Variants in RXFP1 observed in about 807,000 individuals in gnomAD.
The protein encoded by RXFP1 is relaxin family peptide receptor 1, also known as relaxin receptor 1.
In RXFP1, 73 loss-of-function variants were observed where a neutral mutation model predicts 89.8. The observed-to-expected ratio is 0.81, with a 90% CI of 0.67 to 0.99. RXFP1 has a LOEUF of 0.99. RXFP1 is among the 50% of genes least tolerant of loss of function. The pLI is 0.00. For missense variants in RXFP1, 793 were observed against 895.5 expected (o/e 0.89, Z 1.46); for synonymous variants, 277 against 305.5 (o/e 0.91, Z 0.97).
At chr4:158,557,495 G>T (rs1023217699) in intron 1 of RXFP1, among the ~76,000 whole-genome samples, 5 of 152,100 alleles carry the variant, frequency 3.3e-5, no homozygotes, top group Non-Finnish European at 7.4e-5. Context: ...AAGTATGAGT[G>T]TATTTGTTTG....
chr4:158,525,228 G>GA (rs397779598), intron 1 of RXFP1, among the ~76,000 whole-genome samples: 5 of 150,462 alleles, frequency 3.3e-5, no homozygotes. Flanking sequence ...GCGGGGGGGG[G>GA]TTGGGTTTTT....
intron 6 of RXFP1, among the ~76,000 whole-genome samples, chr4:158,608,472 A>G (rs1219113042): frequency 6.6e-6 from 1 of 151,570 alleles, no homozygotes; most frequent in East Asian, 1.9e-4. Flanking sequence ...CAAAGAAAAA[A>G]AAAAAGCCTG....
chr4:158,605,225 C>A lies in RXFP1; in HGVS notation c.464+86C>A, dbSNP rs143934930. 2.1e-4 allele frequency: 139 copies of A among 676,608 alleles called. No individual in the cohort carries two copies. In the African/African-American group the frequency reaches 2.2e-3, roughly 11 times the overall value. The allele number at this position is 676,608 out of a possible 1,614,324, so 41.9% of individuals were successfully genotyped here. ...CTTCCTACTTCTGTGAACACCAACACTATTCCGCTGCTTGTGTCTAATCCC... is the reference window on the plus strand; with the variant it reads ...CTTCCTACTTCTGTGAACACCAACAATATTCCGCTGCTTGTGTCTAATCCC... On this transcript the variant is annotated intron_variant, in intron 5 of 17. Transcript: ENST00000307765.
chr4:158,648,635 C>T lies in RXFP1; in HGVS notation c.1893C>T (p.Phe631=), dbSNP rs748504998. ...AGATGATCCTTGCCAAACGTTTTTT[C>T]TTTATAGTATTTACTGATGCATTAT... ...KKEMILAKRF[F]FIVFTDALCW... Residue 631 remains phenylalanine (F), a synonymous_variant, in exon 17 of 18, where the codon TTC becomes TTT. Transcript: ENST00000307765. 6.2e-7 allele frequency: 1 copy of T among 1,613,096 alleles called. No individual in the cohort carries two copies. Among genetic ancestry groups the T allele is most frequent in the Non-Finnish European group, 8.5e-7 (1 of 1,179,538 alleles).
intron 12 of RXFP1, 110 bp from the exon 13 acceptor site, chr4:158,637,898 T>C: frequency 1.5e-6 from 1 of 680,620 alleles, no homozygotes; most frequent in Admixed American, 2.7e-5. Flanking sequence ...TACGAGTTAT[T>C]GTATACTTTC....
chr4:158,535,086 G>C (rs182375167), intron 1 of RXFP1, among the ~76,000 whole-genome samples: 3 of 151,966 alleles, frequency 2.0e-5, no homozygotes, highest in Admixed American at 2.0e-4. Context: ...AGTTGAACTG[G>C]TTGCAGATTT....
intron 1 of RXFP1, chr4:158,544,092 G>C (rs1747560765): frequency 1.0e-6 from 1 of 980,240 alleles, no homozygotes; most frequent in Non-Finnish European, 1.2e-6. Flanking sequence ...ACTAACAAGA[G>C]AACCATCTTT....
At chr4:158,552,629 C>G (rs76408681) in intron 1 of RXFP1, among the ~76,000 whole-genome samples, 8 of 152,136 alleles carry the variant, frequency 5.3e-5, no homozygotes, top group Non-Finnish European at 8.8e-5. Context: ...GTTCAAGTTA[C>G]AAAATAGAAA....
chr4:158,547,970 TG>T (rs757607353), intron 1 of RXFP1, among the ~76,000 whole-genome samples: 4 of 152,240 alleles, frequency 2.6e-5, no homozygotes, highest in Non-Finnish European at 5.9e-5. Context: ...TTAGGTCTGC[TG>T]GGTGCAGAGC....
intron 2 of RXFP1, among the ~76,000 whole-genome samples, chr4:158,584,009 G>C (rs191056189): frequency 6.6e-6 from 1 of 152,178 alleles, no homozygotes; most frequent in Non-Finnish European, 1.5e-5. Flanking sequence ...GCATTCCAGC[G>C]TTTACTCTGG....
At chr4:158,643,828 C>T (rs1158275215) in intron 14 of RXFP1, among the ~76,000 whole-genome samples, 1 of 152,016 alleles carries the variant, frequency 6.6e-6, no homozygotes, top group Non-Finnish European at 1.5e-5. Context: ...CTCCGTTCTC[C>T]ATAGTGCCTA....
chr4:158,564,874 T>A (rs1753227725), intron 1 of RXFP1, among the ~76,000 whole-genome samples: 1 of 152,244 alleles, frequency 6.6e-6, no homozygotes, highest in Admixed American at 6.5e-5. Flanking sequence ...TGCTTTTTGT[T>A]TTTTACTTTC....
intron 11 of RXFP1, among the ~76,000 whole-genome samples, chr4:158,629,635 T>C (rs972857085): frequency 1.1e-4 from 17 of 152,042 alleles, no homozygotes; most frequent in African/African-American, 4.1e-4. Context: ...TTTTGTTTGC[T>C]TTTTTTCTAG....
chr4:158,578,698 T>G (rs953242673), intron 2 of RXFP1, among the ~76,000 whole-genome samples: 6 of 152,136 alleles, frequency 3.9e-5, no homozygotes, highest in Non-Finnish European at 8.8e-5. Context: ...TAACCCAACC[T>G]TATCTGAGAG....
intron 1 of RXFP1, among the ~76,000 whole-genome samples, chr4:158,565,096 G>A (rs1753277394): frequency 6.6e-6 from 1 of 152,182 alleles, no homozygotes; most frequent in Non-Finnish European, 1.5e-5. Flanking sequence ...TAAACAGGGT[G>A]GGGAGAGTGC....
At chr4:158,549,052 A>G (rs1041865241) in intron 1 of RXFP1, among the ~76,000 whole-genome samples, 3 of 151,834 alleles carry the variant, frequency 2.0e-5, no homozygotes, top group Admixed American at 6.6e-5. Context: ...GTGTTTTCCA[A>G]CTTGGTTCCA....
At chr4:158,596,462 G>A (rs554007922) in intron 3 of RXFP1, among the ~76,000 whole-genome samples, 43 of 152,014 alleles carry the variant, frequency 2.8e-4, no homozygotes, top group Admixed American at 1.9e-3. Flanking sequence ...ATTTCTCCAC[G>A]TTGGTCAGGC....
intron 1 of RXFP1, among the ~76,000 whole-genome samples, chr4:158,558,069 A>G (rs1751688326): frequency 6.6e-6 from 1 of 152,244 alleles, no homozygotes; most frequent in Non-Finnish European, 1.5e-5. Context: ...AGGTAAGCCT[A>G]CTAATACCTG....
At chr4:158,610,547 A>G (rs918780350) in intron 6 of RXFP1, 4 of 492,032 alleles carry the variant, frequency 8.1e-6, no homozygotes, top group African/African-American at 8.0e-5. Context: ...TTAGAGAACC[A>G]TTTTTTAAAA....
Sources: allele counts gnomAD v4.1 joint callset (sites outside exome capture counted in the v4.1 genomes callset), GRCh38; gene constraint gnomAD v4.1.1; transcripts MANE v1.5; gene names NCBI Gene and HGNC (gene_info 2026-07-23, HGNC 2026-07-21).